The following DMD variants were observed in gnomAD, a reference collection of about 807,000 sequenced individuals.
DMD encodes the protein mutant dystrophin.
Under a neutral mutation model 330.1 loss-of-function variants are expected in DMD, and 63 were observed. The observed-to-expected ratio is 0.19, with a 90% CI of 0.16 to 0.24. The LOEUF is 0.24. DMD is among the 10% of genes least tolerant of loss of function. DMD has a pLI of 1.00. For missense variants in DMD, 3,344 were observed against 2,684.1 expected, an observed-to-expected ratio of 1.25 and a Z score of -5.43; for synonymous variants, 1,223 against 959.8, an observed-to-expected ratio of 1.27 and a Z score of -5.07.
intron 51 of DMD, among the ~76,000 whole-genome samples, chrX:31,749,196 G>T (rs1003587698): frequency 1.9e-5 from 2 of 107,987 alleles, no homozygotes; most frequent in African/African-American, 6.8e-5. Flanking sequence ...ACAATGTGCA[G>T]GTTAGTTACA....
intron 12 of DMD, among the ~76,000 whole-genome samples, chrX:32,609,597 T>A (rs115060075): frequency 0.063 from 6,992 of 111,108 alleles, 188 homozygotes; most frequent in African/African-American, 0.08. Flanking sequence ...TTATACCTAA[T>A]CCTTCTCTGT....
chrX:33,220,143 C>G (rs1409870800), intron 1 of DMD, among the ~76,000 whole-genome samples: 1 of 111,526 alleles, frequency 9.0e-6, no homozygotes, highest in East Asian at 2.8e-4. Context: ...TGATGTCCAG[C>G]TGGTGTCACA....
intron 44 of DMD, among the ~76,000 whole-genome samples, chrX:32,137,768 C>A (rs1345249464): frequency 9.0e-6 from 1 of 110,638 alleles, no homozygotes; most frequent in Non-Finnish European, 1.9e-5. Flanking sequence ...TGAGACCAGG[C>A]CTTCATTCTG....
chrX:32,096,879 T>C (rs935609070), intron 44 of DMD, among the ~76,000 whole-genome samples: 2 of 112,032 alleles, frequency 1.8e-5, no homozygotes, highest in Non-Finnish European at 3.8e-5. Context: ...CCATATGTAA[T>C]GCAGATTTGC....
At position 31,264,199 on chromosome X, in the gene DMD, T is replaced by A. The variant is rs144869446; in HGVS notation, c.9225-3183A>T. Among the ~76,000 whole-genome samples, 79 of 111,841 alleles carry A rather than the reference T, an allele frequency of 7.1e-4. No homozygotes were observed. In the East Asian group the frequency reaches 0.018, roughly 25 times the overall value. ...AAAACAGTAGAGAATTCTCAGTAACTCCATGAGAAGAGCCCACATTTACCT... is the reference window on the plus strand; with the variant it reads ...AAAACAGTAGAGAATTCTCAGTAACACCATGAGAAGAGCCCACATTTACCT... On this transcript the variant is annotated intron_variant, in intron 62 of 78. Transcript: ENST00000357033.
intron 47 of DMD, among the ~76,000 whole-genome samples, chrX:31,889,153 T>C (rs771403863): frequency 8.9e-6 from 1 of 112,242 alleles, no homozygotes; most frequent in Admixed American, 9.5e-5. Flanking sequence ...TAAAATTTGA[T>C]GTACAATAAA....
intron 7 of DMD, among the ~76,000 whole-genome samples, chrX:32,795,153 T>G (rs2076096216): frequency 9.0e-6 from 1 of 111,580 alleles, no homozygotes; most frequent in Admixed American, 9.5e-5. Flanking sequence ...ATCATAAAAT[T>G]TGTACGATCA....
At chrX:32,930,870 T>C (rs2089524694) in intron 2 of DMD, among the ~76,000 whole-genome samples, 1 of 109,908 alleles carries the variant, frequency 9.1e-6, no homozygotes, top group Non-Finnish European at 1.9e-5. Flanking sequence ...TGACACACTA[T>C]ACTAGGTTGT....
At chrX:32,760,534 G>T (rs1224201164) in intron 7 of DMD, among the ~76,000 whole-genome samples, 1 of 111,655 alleles carries the variant, frequency 9.0e-6, no homozygotes, top group Non-Finnish European at 1.9e-5. Context: ...TATGTCCCTT[G>T]AGATTAGAGA....
chrX:32,726,334 T>A (rs1247321208), intron 7 of DMD, among the ~76,000 whole-genome samples: 1 of 111,420 alleles, frequency 9.0e-6, no homozygotes, highest in East Asian at 2.8e-4. Flanking sequence ...TATAGTATTT[T>A]AAAAACACAC....
intron 60 of DMD, among the ~76,000 whole-genome samples, chrX:31,393,425 C>A (rs1201320808): frequency 2.0e-5 from 2 of 100,125 alleles, no homozygotes; most frequent in East Asian, 6.3e-4. Context: ...TGCAGTGAGC[C>A]GAGATTGCGC....
At chrX:32,739,395 G>T (rs186406229) in intron 7 of DMD, among the ~76,000 whole-genome samples, 2 of 111,535 alleles carry the variant, frequency 1.8e-5, no homozygotes, top group Non-Finnish European at 3.8e-5. Flanking sequence ...ATTTCTATGA[G>T]TGCGCTTGAA....
chrX:31,329,727 C>T (rs1430072593), intron 61 of DMD, among the ~76,000 whole-genome samples: 1 of 110,184 alleles, frequency 9.1e-6, no homozygotes, highest in Non-Finnish European at 1.9e-5. Flanking sequence ...AATCCCAGCA[C>T]TTTGGGAGGC....
rs370399617 is a variant in DMD at position 32,491,325 on chromosome X, G to C, written c.2574C>G (p.Thr858=). ...TAATTGCTGTTGGCTCTGATGGGGT[G>C]GTGGGTTGGATTTTCAACCAGTTTT... ...TAENWLKIQP[T]TPSEPTAIKS... Residue 858 remains threonine, a synonymous_variant, in exon 20 of 79, where the codon ACC becomes ACG. Coordinates refer to ENST00000357033, the MANE Select transcript of DMD (RefSeq NM_004006.3). The C allele has an allele frequency of 1.7e-6, 2 of 1,211,115 alleles. No individual in the cohort carries two copies. The highest frequency in any genetic ancestry group is 1.1e-6 in the Non-Finnish European group (1 of 895,043).
chrX:31,475,188 A>C (rs1603208958), intron 59 of DMD, among the ~76,000 whole-genome samples: 2 of 111,471 alleles, frequency 1.8e-5, no homozygotes, highest in South Asian at 3.8e-4. Flanking sequence ...TATAAATATA[A>C]TTTTTCGAAA....
At chrX:32,268,567 A>G (rs2097353256) in intron 43 of DMD, among the ~76,000 whole-genome samples, 1 of 111,412 alleles carries the variant, frequency 9.0e-6, no homozygotes, top group African/African-American at 3.3e-5. Context: ...CAACTCCAAC[A>G]TCCTACCACA....
intron 47 of DMD, among the ~76,000 whole-genome samples, chrX:31,889,191 C>A (rs1242117937): frequency 8.9e-6 from 1 of 112,095 alleles, no homozygotes; most frequent in African/African-American, 3.2e-5. Flanking sequence ...GAGAACTCTG[C>A]CCTTATTACC....
intron 47 of DMD, among the ~76,000 whole-genome samples, chrX:31,924,072 T>C (rs2094732663): frequency 8.9e-6 from 1 of 112,139 alleles, no homozygotes; most frequent in Admixed American, 9.5e-5. Flanking sequence ...ATGATTATTA[T>C]ACTTCCTACT....
chrX:31,878,455 C>T (rs768114985), intron 47 of DMD, among the ~76,000 whole-genome samples: 2 of 111,228 alleles, frequency 1.8e-5, no homozygotes, highest in African/African-American at 3.3e-5. Context: ...TAGTCAACCA[C>T]AAAAAAATGT....
Sources: allele counts gnomAD v4.1 joint callset (sites outside exome capture counted in the v4.1 genomes callset), GRCh38; gene constraint gnomAD v4.1.1; transcripts MANE v1.5; gene names NCBI Gene and HGNC (gene_info 2026-07-23, HGNC 2026-07-21).